The following TENM4 variants were observed in gnomAD, a reference collection of about 807,000 sequenced individuals.
TENM4 encodes the protein teneurin transmembrane protein 4, also known as teneurin-4.
TENM4 carries 82 observed loss-of-function variants against 243.3 expected under a neutral mutation model. The observed-to-expected ratio is 0.34, with a 90% CI of 0.28 to 0.40. The LOEUF is 0.40. Among genes scored for constraint, TENM4 ranks in the 10% least tolerant of loss-of-function variants. TENM4 has a pLI of 1.00. For missense variants in TENM4, 3,138 were observed against 3,673.3 expected (o/e 0.85, Z 3.77); for synonymous variants, 1,412 against 1,456.3 (o/e 0.97, Z 0.69).
intron 12 of TENM4, among the ~76,000 whole-genome samples, chr11:78,836,758 T>A (rs1265083223): frequency 1.3e-5 from 2 of 152,224 alleles, no homozygotes; most frequent in Non-Finnish European, 2.9e-5. Context: ...GGTCTTTTTT[T>A]TCCTCTCAAG....
At chr11:78,947,974 A>ATGAAAAAAAGCACCCAT (rs1857036169) in intron 6 of TENM4, among the ~76,000 whole-genome samples, 1 of 152,164 alleles carries the variant, frequency 6.6e-6, no homozygotes, top group African/African-American at 2.4e-5. Flanking sequence ...GTGGGCTCTC[A>ATGAAAAAAAGCACCCAT]TGAAAAAAAG....
chr11:78,947,242 A>T (rs1430625455), intron 6 of TENM4, among the ~76,000 whole-genome samples: 1 of 152,186 alleles, frequency 6.6e-6, no homozygotes, highest in East Asian at 1.9e-4. Flanking sequence ...CCTGTAATAA[A>T]TATTGTCTAT....
intron 15 of TENM4, among the ~76,000 whole-genome samples, chr11:78,789,391 C>G (rs1857007417): frequency 6.6e-6 from 1 of 152,174 alleles, no homozygotes; most frequent in African/African-American, 2.4e-5. Context: ...CATAGACAAA[C>G]ACTTGGGCTT....
chr11:79,053,981 T>C (rs1859870977), intron 6 of TENM4, among the ~76,000 whole-genome samples: 3 of 152,176 alleles, frequency 2.0e-5, no homozygotes, highest in Non-Finnish European at 4.4e-5. Flanking sequence ...CATGCTAGTT[T>C]CATGTTGTGC....
At chr11:78,968,442 G>A (rs1048784315) in intron 6 of TENM4, among the ~76,000 whole-genome samples, 2 of 152,190 alleles carry the variant, frequency 1.3e-5, no homozygotes, top group Admixed American at 6.5e-5. Context: ...GTGCCACCAT[G>A]CCTAGCTAAT....
chr11:79,026,156 A>C (rs143718984), intron 6 of TENM4, among the ~76,000 whole-genome samples: 1 of 152,320 alleles, frequency 6.6e-6, no homozygotes, highest in East Asian at 1.9e-4. Flanking sequence ...AAGGAATTAC[A>C]GGTGGTACAG....
At chr11:79,057,277 C>T (rs541727653) in intron 6 of TENM4, among the ~76,000 whole-genome samples, 39 of 152,084 alleles carry the variant, frequency 2.6e-4, no homozygotes, top group Middle Eastern at 3.4e-3. Flanking sequence ...CACCCCTACT[C>T]CCTCCCCTCT....
At chr11:78,954,811 G>C (rs1304037941) in intron 6 of TENM4, among the ~76,000 whole-genome samples, 1 of 152,228 alleles carries the variant, frequency 6.6e-6, no homozygotes, top group Non-Finnish European at 1.5e-5. Flanking sequence ...CACCGCTGTG[G>C]CACAGACTAA....
intron 3 of TENM4, among the ~76,000 whole-genome samples, chr11:79,166,427 A>C (rs547485065): frequency 1.3e-5 from 2 of 152,282 alleles, no homozygotes; most frequent in Admixed American, 6.5e-5. Flanking sequence ...GGGGATTCAG[A>C]GATGAATCAT....
intron 16 of TENM4, among the ~76,000 whole-genome samples, chr11:78,784,100 T>C (rs550386676): frequency 6.6e-6 from 1 of 152,318 alleles, no homozygotes; most frequent in South Asian, 2.1e-4. Context: ...GAAATAACTA[T>C]TGCAGCTAGG....
chr11:78,742,415 G>A (rs1177045673), intron 19 of TENM4, among the ~76,000 whole-genome samples: 3 of 152,054 alleles, frequency 2.0e-5, no homozygotes, highest in Admixed American at 1.3e-4. Context: ...AAAAAATCAG[G>A]CGCCTACTAT....
intron 4 of TENM4, among the ~76,000 whole-genome samples, chr11:79,132,084 T>C (rs1027297885): frequency 3.6e-4 from 55 of 151,976 alleles, no homozygotes; most frequent in African/African-American, 1.1e-3. Context: ...GGCTCCTGCC[T>C]GGAATCTCAG....
At chr11:79,304,214 A>G (rs1288518223) in intron 1 of TENM4, among the ~76,000 whole-genome samples, 1 of 152,200 alleles carries the variant, frequency 6.6e-6, no homozygotes, top group Non-Finnish European at 1.5e-5. Context: ...GAGAAGGTGC[A>G]AGCTAATGTC....
At chr11:78,989,878 A>G (rs1857999061) in intron 6 of TENM4, among the ~76,000 whole-genome samples, 1 of 151,126 alleles carries the variant, frequency 6.6e-6, no homozygotes, top group Non-Finnish European at 1.5e-5. Flanking sequence ...ACATAACGAA[A>G]CCCCATCTCT....
At chr11:79,034,009 C>A (rs1859311919) in intron 6 of TENM4, among the ~76,000 whole-genome samples, 2 of 152,116 alleles carry the variant, frequency 1.3e-5, no homozygotes, top group African/African-American at 4.8e-5. Context: ...GTGAAAAGAG[C>A]AGGGTTGGGT....
intron 6 of TENM4, among the ~76,000 whole-genome samples, chr11:78,917,795 G>A (rs1441388610): frequency 6.6e-6 from 1 of 152,242 alleles, no homozygotes; most frequent in Non-Finnish European, 1.5e-5. Context: ...ATACAGTATG[G>A]TAGGAGGGTG....
Position 78,658,235 on chromosome 11 carries a change from C to T in TENM4, c.8133G>A (p.Arg2711=), listed in dbSNP as rs952642835. The change falls in exon 34 of 34, where the codon CGG becomes CGA. Residue 2711 remains arginine, a synonymous_variant. Coordinates refer to ENST00000278550, the MANE Select transcript of TENM4 (RefSeq NM_001098816.3). ...AGGCCCGCAGGCCTTCCTCCCCTTCCCGCAGTCTCTGCTGCTCGCGGGCCC... is the reference window on the plus strand; with the variant it reads ...AGGCCCGCAGGCCTTCCTCCCCTTCTCGCAGTCTCTGCTGCTCGCGGGCCC... ...QAWAREQQRL[R]EGEEGLRAWT... is the part of the protein sequence containing the mutation. 6.2e-7 allele frequency: 1 copy of T among 1,613,988 alleles called. No homozygotes were observed. The highest frequency in any genetic ancestry group is 8.5e-7 in the Non-Finnish European group (1 of 1,179,854).
At chr11:79,095,097 A>AG (rs1199117771) in intron 4 of TENM4, among the ~76,000 whole-genome samples, 1 of 149,394 alleles carries the variant, frequency 6.7e-6, no homozygotes, top group South Asian at 2.1e-4. Flanking sequence ...GGGTGGGGAG[A>AG]GGGGGGTGAA....
intron 1 of TENM4, among the ~76,000 whole-genome samples, chr11:79,403,684 C>T (rs976328445): frequency 6.6e-6 from 1 of 152,146 alleles, no homozygotes; most frequent in Non-Finnish European, 1.5e-5. Context: ...GTTGTCTTCC[C>T]TCAACCACTA....
Sources: allele counts gnomAD v4.1 joint callset (sites outside exome capture counted in the v4.1 genomes callset), GRCh38; gene constraint gnomAD v4.1.1; transcripts MANE v1.5; gene names NCBI Gene and HGNC (gene_info 2026-07-23, HGNC 2026-07-21).